The following UBE2E2 variants were observed in gnomAD, a reference collection of about 807,000 sequenced individuals.
UBE2E2 encodes the protein ubiquitin-conjugating enzyme E2 E2.
In UBE2E2, 6 loss-of-function variants were observed where a neutral mutation model predicts 24.7. That is an observed-to-expected ratio of 0.24 (90% confidence interval 0.13 to 0.48). The LOEUF is 0.48. Among genes scored for constraint, UBE2E2 ranks in the 20% least tolerant of loss-of-function variants. The pLI, the probability that UBE2E2 is intolerant of heterozygous loss-of-function variation, is 0.99. For synonymous variants in UBE2E2, 104 were observed against 83.6 expected, an observed-to-expected ratio of 1.24 and a Z score of -1.33; for missense variants, 169 against 245.0, an observed-to-expected ratio of 0.69 and a Z score of 2.07.
chr3:23,405,962 G>A (rs73041562), intron 3 of UBE2E2, among the ~76,000 whole-genome samples: 7,237 of 152,216 alleles, frequency 0.048, 271 homozygotes, highest in Non-Finnish European at 0.071. Flanking sequence ...CCCATAACTA[G>A]GGCCAAGTTA....
intron 3 of UBE2E2, among the ~76,000 whole-genome samples, chr3:23,248,485 A>C (rs1697479019): frequency 6.6e-6 from 1 of 152,262 alleles, no homozygotes; most frequent in East Asian, 1.9e-4. Flanking sequence ...AACATTCAGC[A>C]CAATAAAATA....
In UBE2E2 at chr3:23,342,948, G is replaced by A. The variant is rs1304094207; in HGVS notation, c.227+125636G>A. On this transcript the variant is annotated intron_variant, in intron 3 of 5. Coordinates refer to ENST00000396703, the MANE Select transcript of UBE2E2 (RefSeq NM_152653.4). ...TTGAAGATAATACTTTTTTGGGGGT[G>A]GGGAACTTCTGCTGTTATTGTTGCT... 1.8e-4 allele frequency among the ~76,000 whole-genome samples: 28 copies of A among 151,934 alleles called. 1 individual carries two copies. Among genetic ancestry groups the A allele is most frequent in the Admixed American group, 1.8e-3 (28 of 15,268 alleles).
intron 3 of UBE2E2, among the ~76,000 whole-genome samples, chr3:23,374,550 A>G (rs978194001): frequency 3.3e-5 from 5 of 152,230 alleles, no homozygotes; most frequent in Non-Finnish European, 7.3e-5. Context: ...AATCTAGGAC[A>G]TAAAGCATGC....
At chr3:23,347,230 G>A (rs1176146363) in intron 3 of UBE2E2, among the ~76,000 whole-genome samples, 2 of 152,190 alleles carry the variant, frequency 1.3e-5, no homozygotes, top group East Asian at 3.9e-4. Flanking sequence ...TATAAATCAT[G>A]CTGCTACAAA....
chr3:23,502,967 C>G (rs1454508787), intron 4 of UBE2E2, among the ~76,000 whole-genome samples: 1 of 152,100 alleles, frequency 6.6e-6, no homozygotes, highest in Non-Finnish European at 1.5e-5. Context: ...TATTATTTCT[C>G]TGTGAAAATA....
In UBE2E2 at chr3:23,209,057, T is replaced by C. The variant is rs146852495; in HGVS notation, c.176+182T>C. The stretch of plus-strand genomic sequence containing the variant: ...CCATAGGGAACTTCAGTATTTAAAG[T>C]CAGTTAAATGGCAAGGCAAATTCAT... On this transcript the variant is annotated intron_variant, in intron 2 of 5. Coordinates refer to ENST00000396703, the MANE Select transcript of UBE2E2 (RefSeq NM_152653.4). Among the ~76,000 whole-genome samples, 1,297 of 152,306 alleles carry C rather than the reference T, an allele frequency of 8.5e-3. 10 individuals are homozygous for C. Among genetic ancestry groups the C allele is most frequent in the Middle Eastern group, 0.024 (7 of 294 alleles).
At chr3:23,418,782 T>C (rs1472057969) in intron 3 of UBE2E2, among the ~76,000 whole-genome samples, 1 of 152,198 alleles carries the variant, frequency 6.6e-6, no homozygotes, top group Non-Finnish European at 1.5e-5. Flanking sequence ...GAAGATGTGA[T>C]GTGATGATTA....
chr3:23,295,981 A>G lies in UBE2E2; in HGVS notation c.227+78669A>G, dbSNP rs992056656. Among the ~76,000 whole-genome samples the G allele has an allele frequency of 2.0e-5, 3 of 152,314 alleles. No individual in the cohort carries two copies. The East Asian group carries it at 5.8e-4, about 29-fold the overall frequency. ...ATAAACATGACCATAGGCCTCTAATATGTGGCCTCTGCTCTGAATCTTGAA... is the reference window on the plus strand; with the variant it reads ...ATAAACATGACCATAGGCCTCTAATGTGTGGCCTCTGCTCTGAATCTTGAA... On this transcript the variant is annotated intron_variant, in intron 3 of 5. Transcript: ENST00000396703.
At chr3:23,444,805 C>A (rs1698389980) in intron 3 of UBE2E2, among the ~76,000 whole-genome samples, 2 of 152,112 alleles carry the variant, frequency 1.3e-5, no homozygotes, top group African/African-American at 2.4e-5. Flanking sequence ...TGTCATACTT[C>A]TTTAGTTATA....
intron 3 of UBE2E2, among the ~76,000 whole-genome samples, chr3:23,277,344 G>T (rs1193335039): frequency 6.6e-6 from 1 of 152,134 alleles, no homozygotes; most frequent in Non-Finnish European, 1.5e-5. Context: ...TGCTAGACAT[G>T]CTGATAATAA....
At chr3:23,204,127 T>TCTCCCCC (rs1447279741) in intron 1 of UBE2E2, among the ~76,000 whole-genome samples, 1 of 151,804 alleles carries the variant, frequency 6.6e-6, no homozygotes, top group Admixed American at 6.6e-5. Flanking sequence ...CCCTCTGTCC[T>TCTCCCCC]CTCCCCCTTC....
chr3:23,291,849 ATTTTT>A (rs57708620), intron 3 of UBE2E2, among the ~76,000 whole-genome samples: 21 of 64,030 alleles, frequency 3.3e-4, no homozygotes, highest in Admixed American at 1.0e-3. Context: ...TGCCCGGCTA[ATTTTT>A]TTTTTTTTTT....
intron 3 of UBE2E2, among the ~76,000 whole-genome samples, chr3:23,430,137 T>A (rs919862732): frequency 6.6e-6 from 1 of 152,104 alleles, no homozygotes; most frequent in Admixed American, 6.5e-5. Flanking sequence ...AATGTTGGAC[T>A]GAAGCAGTCT....
intron 3 of UBE2E2, among the ~76,000 whole-genome samples, chr3:23,402,901 A>G (rs1697266457): frequency 1.3e-5 from 2 of 152,146 alleles, no homozygotes; most frequent in African/African-American, 2.4e-5. Flanking sequence ...TTGAGTCCCA[A>G]CCAGAGTTTA....
intron 3 of UBE2E2, among the ~76,000 whole-genome samples, chr3:23,272,766 A>G (rs538265469): frequency 6.6e-6 from 1 of 152,304 alleles, no homozygotes; most frequent in East Asian, 1.9e-4. Context: ...CTGGAGACTC[A>G]GGAGAGCTGT....
Position 23,532,617 on chromosome 3 carries a change from A to G in UBE2E2, c.424A>G (p.Ile142Val). ...INSQGVICLDILKDNWSPALT... is the reference protein window; with the variant it reads ...INSQGVICLDVLKDNWSPALT... ...CAGCCAAGGTGTGATCTGTCTGGAC[A>G]TCTTAAAGGACAACTGGAGTCCGGC... The change falls in exon 5 of 6, where the codon ATC becomes GTC. Residue 142 changes from isoleucine (I) to valine (V), a missense_variant. Physicochemically the swap from Ile to Val is conservative, Grantham distance 29. Around this residue, in one of 2 missense-constraint regions of UBE2E2, gnomAD observed 105 missense variants for 180.7 expected, o/e 0.58. Transcript: ENST00000396703. The G allele has an allele frequency of 6.3e-7, 1 of 1,578,812 alleles. No individual in the cohort carries two copies. The highest frequency in any genetic ancestry group is 8.7e-7 in the Non-Finnish European group (1 of 1,155,448).
chr3:23,566,427 C>G (rs1485754766), intron 5 of UBE2E2, among the ~76,000 whole-genome samples: 1 of 152,042 alleles, frequency 6.6e-6, no homozygotes. Flanking sequence ...TAGTGGACAG[C>G]CTGAAGACAG....
At chr3:23,204,893 G>C in intron 1 of UBE2E2, 1 of 449,910 alleles carries the variant, frequency 2.2e-6, no homozygotes, top group Non-Finnish European at 2.9e-6. Flanking sequence ...ATGAACACTT[G>C]GTTTTGCAGT....
intron 3 of UBE2E2, among the ~76,000 whole-genome samples, chr3:23,339,011 A>G (rs1004569809): frequency 3.9e-5 from 6 of 152,170 alleles, no homozygotes; most frequent in South Asian, 4.1e-4. Context: ...TAAAGGAATC[A>G]TAGTAACCTT....
Sources: allele counts gnomAD v4.1 joint callset (sites outside exome capture counted in the v4.1 genomes callset), GRCh38; gene constraint gnomAD v4.1.1; regional missense constraint gnomAD v4.1.1; transcripts MANE v1.5; gene names NCBI Gene and HGNC (gene_info 2026-07-23, HGNC 2026-07-21).